Variants in REDIC1 observed in about 807,000 individuals in gnomAD.
REDIC1 encodes regulator of DNA class I crossover intermediates 1.
chr12:39,820,777 A>ATATATATG, the REDIC1 span, among the ~76,000 whole-genome samples: 1 of 143,956 alleles, frequency 6.9e-6, no homozygotes, highest in Non-Finnish European at 1.5e-5. Context: ...ATATATATAT[A>ATATATATG]AAGCAACATG....
At chr12:39,702,204 AAAAG>A in the REDIC1 span, among the ~76,000 whole-genome samples, 2 of 151,432 alleles carry the variant, frequency 1.3e-5, no homozygotes, top group South Asian at 4.1e-4. Context: ...GACTAATAAA[AAAAG>A]AGAGAGGAAT....
At chr12:39,696,882 G>A in the REDIC1 span, among the ~76,000 whole-genome samples, 1 of 152,020 alleles carries the variant, frequency 6.6e-6, no homozygotes, top group African/African-American at 2.4e-5. Flanking sequence ...ACAGTCAGAG[G>A]AGACAAAAGA....
chr12:39,759,849 T>TG, the REDIC1 span: 1 of 565,610 alleles, frequency 1.8e-6, no homozygotes, highest in Admixed American at 3.3e-5. Flanking sequence ...TTGTTCCTTG[T>TG]GGAAAAAAAA....
chr12:39,736,248 TTTGCCTTTATGGACTA>T, the REDIC1 span, among the ~76,000 whole-genome samples: 1 of 152,200 alleles, frequency 6.6e-6, no homozygotes, highest in Admixed American at 6.5e-5. Flanking sequence ...GTATCTTTCT[TTTGCCTTTATGGACTA>T]TTGCCTTTCT....
At chr12:39,777,039 A>G in the REDIC1 span, among the ~76,000 whole-genome samples, 1 of 152,212 alleles carries the variant, frequency 6.6e-6, no homozygotes, top group African/African-American at 2.4e-5. Context: ...TATTCCAACT[A>G]TGCTGTACTA....
chr12:39,711,683 G>T, the REDIC1 span, among the ~76,000 whole-genome samples: 1 of 116,882 alleles, frequency 8.6e-6, no homozygotes, highest in African/African-American at 3.1e-5. Context: ...ATGTGTGTAT[G>T]CACATGTATG....
At chr12:39,772,409 AT>A in the REDIC1 span, among the ~76,000 whole-genome samples, 14 of 150,180 alleles carry the variant, frequency 9.3e-5, no homozygotes, top group East Asian at 1.2e-3. Context: ...TCACCGTGCT[AT>A]TTTTTTTTTA....
the REDIC1 span, among the ~76,000 whole-genome samples, chr12:39,662,078 G>A: frequency 6.6e-6 from 1 of 152,066 alleles, no homozygotes; most frequent in Non-Finnish European, 1.5e-5. Flanking sequence ...GTTGGGTAGT[G>A]TGATGCCTCC....
the REDIC1 span, among the ~76,000 whole-genome samples, chr12:39,698,477 G>C: frequency 5.3e-5 from 8 of 152,148 alleles, no homozygotes; most frequent in African/African-American, 1.4e-4. Context: ...GACTTCATCT[G>C]TACTATAGAT....
At chr12:39,903,521 C>A in the REDIC1 span, among the ~76,000 whole-genome samples, 39 of 152,126 alleles carry the variant, frequency 2.6e-4, no homozygotes, top group African/African-American at 9.4e-4. Context: ...GTGAGGGAAG[C>A]TCATGACAAG....
chr12:39,647,918 A>C, the REDIC1 span: 1 of 1,607,514 alleles, frequency 6.2e-7, no homozygotes, highest in Non-Finnish European at 8.5e-7. Context: ...ACTAAATTTC[A>C]CATCTGGAAT....
chr12:39,779,242 A>AAT, the REDIC1 span, among the ~76,000 whole-genome samples: 3 of 152,180 alleles, frequency 2.0e-5, no homozygotes, highest in East Asian at 5.8e-4. Context: ...TTATCCATAA[A>AAT]ATGAGTATGT....
At chr12:39,712,985 GTGTATATACGTGTATATGTATATAT>G in the REDIC1 span, among the ~76,000 whole-genome samples, 2 of 4,154 alleles carry the variant, frequency 4.8e-4, no homozygotes, top group East Asian at 0.017. Context: ...ATATATACAT[GTGTATATACGTGTATATGTATATAT>G]ACATGTGTAT....
At chr12:39,752,847 T>C in the REDIC1 span, among the ~76,000 whole-genome samples, 1 of 149,962 alleles carries the variant, frequency 6.7e-6, no homozygotes, top group African/African-American at 2.5e-5. Context: ...AAAGAACATG[T>C]CAGATTCCTT....
the REDIC1 span, among the ~76,000 whole-genome samples, chr12:39,793,740 G>A: frequency 6.6e-6 from 1 of 152,098 alleles, no homozygotes; most frequent in Admixed American, 6.6e-5. Context: ...GATTATTCAT[G>A]CACCTGCTTT....
At chr12:39,895,829 C>G in the REDIC1 span, among the ~76,000 whole-genome samples, 58 of 96,008 alleles carry the variant, frequency 6.0e-4, 15 homozygotes, top group African/African-American at 2.4e-3. Context: ...CATGTATATG[C>G]GTGTATATGC....
At chr12:39,905,132 C>T in the REDIC1 span, among the ~76,000 whole-genome samples, 2 of 152,060 alleles carry the variant, frequency 1.3e-5, no homozygotes, top group African/African-American at 4.8e-5. Context: ...ATTTAAAAAC[C>T]AGAGTAACTT....
the REDIC1 span, among the ~76,000 whole-genome samples, chr12:39,825,972 GCTA>G: frequency 6.6e-6 from 1 of 152,058 alleles, no homozygotes; most frequent in South Asian, 2.1e-4. Flanking sequence ...TAGTTTCCCA[GCTA>G]AACTAGAAGG....
At chr12:39,742,320 G>C in the REDIC1 span, among the ~76,000 whole-genome samples, 2 of 152,010 alleles carry the variant, frequency 1.3e-5, no homozygotes, top group African/African-American at 2.4e-5. Context: ...TTTCAAGGGA[G>C]GAAGAGGTCA....
Sources: allele counts gnomAD v4.1 joint callset (sites outside exome capture counted in the v4.1 genomes callset), GRCh38; gene constraint gnomAD v4.1.1; transcripts MANE v1.5; gene names NCBI Gene and HGNC (gene_info 2026-07-23, HGNC 2026-07-21).